MAMSTR: variants seen among roughly 807,000 people sequenced by gnomAD.
MAMSTR encodes the protein MEF2 activating motif and SAP domain containing transcriptional regulator.
MAMSTR carries 41 observed loss-of-function variants against 42.7 expected under a neutral mutation model. That is an observed-to-expected ratio of 0.96 (90% CI 0.75 to 1.25). The LOEUF is 1.25. Ranked by LOEUF, MAMSTR falls within the 50% of genes most tolerant of loss-of-function variation. MAMSTR has a pLI of 0.00. For synonymous variants in MAMSTR, 265 were observed against 244.1 expected (o/e 1.09, Z -0.80); for missense variants, 567 against 557.6 (o/e 1.02, Z -0.17).
Position 48,713,535 on chromosome 19 carries a change from A to G in MAMSTR, c.980T>C (p.Ile327Thr), listed in dbSNP as rs544289751. Residue 327 changes from isoleucine to threonine, a missense_variant, in exon 10 of 10, where the codon ATT (isoleucine) becomes ACT (threonine). Transcript: ENST00000318083. ...GAAGGAGCCAGGGAAGTCCAGGGGA[A>G]TAGGGGGCAGGGGGTCTGCGGGATA... The part of the protein sequence containing the change: ...QVEPDDPLPP[I>T]PLDFPGSFDV... 1.2e-6 allele frequency: 2 copies of G among 1,611,136 alleles called. No homozygotes were observed. The highest frequency in any genetic ancestry group is 1.7e-6 in the Non-Finnish European group (2 of 1,178,964).
rs1447888201 is a variant in MAMSTR, at chr19:48,714,063, G to C, written c.724-18C>G. The C allele has an allele frequency of 5.8e-6, 9 of 1,557,752 alleles. No homozygotes were observed. Among genetic ancestry groups the C allele is most frequent in the Admixed American group, 3.7e-5 (2 of 53,364 alleles). On this transcript the variant is annotated intron_variant, in intron 7 of 9. Coordinates refer to ENST00000318083, the MANE Select transcript of MAMSTR (RefSeq NM_001130915.2). Reference sequence around the variant, plus strand: ...GGCTTGACCTAGAGCAGCCAAGAGGGCGAGCGCCCATAAGCCATGCCCACA... The same window carrying C: ...GGCTTGACCTAGAGCAGCCAAGAGGCCGAGCGCCCATAAGCCATGCCCACA...
downstream of MAMSTR, among the ~76,000 whole-genome samples, chr19:48,711,745 T>G (rs1022652234): frequency 1.5e-4 from 21 of 141,052 alleles, no homozygotes; most frequent in Non-Finnish European, 1.2e-4. Context: ...GCTAGTTTTT[T>G]TTTTTTTTTT....
chr19:48,709,001 G>A (rs2032690868), downstream of MAMSTR, among the ~76,000 whole-genome samples: 1 of 152,036 alleles, frequency 6.6e-6, no homozygotes, highest in African/African-American at 2.4e-5. Context: ...AGTCAGAAAA[G>A]TCTCTGGGCC....
chr19:48,714,578 G>C lies in MAMSTR; in HGVS notation c.529-18C>G. ...TCTGAGACCTGGGGAGGGGCGGGGC[G>C]TGGGAAGAGGCAGTGCTGGGCGGGC... On this transcript the variant is annotated intron_variant, in intron 6 of 9. Coordinates refer to ENST00000318083, the MANE Select transcript of MAMSTR (RefSeq NM_001130915.2). 2.1e-6 allele frequency: 3 copies of C among 1,458,852 alleles called. No individual in the cohort carries two copies. Among genetic ancestry groups the C allele is most frequent in the South Asian group, 2.9e-5 (2 of 69,514 alleles). The allele number at this position is 1,458,852 out of a possible 1,614,324, so 90.4% of individuals were successfully genotyped here. A position where few individuals can be genotyped will look rare whatever the true frequency, so the allele number is the denominator to read the frequency against.
At chr19:48,710,790 T>TA (rs2032711322), downstream of MAMSTR, among the ~76,000 whole-genome samples, 1 of 151,130 alleles carries the variant, frequency 6.6e-6, no homozygotes, top group Non-Finnish European at 1.5e-5. Flanking sequence ...GGTTTCACCA[T>TA]ATTGGTCAGG....
Position 48,714,162 on chromosome 19 carries a change from C to T in MAMSTR, c.724-117G>A, listed in dbSNP as rs1355081124. Reference sequence around the variant, plus strand: ...CTCGCGACCCCTCGCTCATCAACCCCTTTGGCCTCGCCCCCTATTCTTTCA... The same window carrying T: ...CTCGCGACCCCTCGCTCATCAACCCTTTTGGCCTCGCCCCCTATTCTTTCA... On this transcript the variant is annotated intron_variant, in intron 7 of 9. Transcript: ENST00000318083. 8.2e-6 allele frequency: 10 copies of T among 1,212,468 alleles called. No homozygotes were observed. The South Asian group carries it at 1.5e-4, about 18-fold the overall frequency. 75.1% of individuals were successfully genotyped at this position (1,212,468 alleles called of 1,614,324 possible). A position where few individuals can be genotyped will look rare whatever the true frequency, so the allele number is the denominator to read the frequency against.
At position 48,713,409 on chromosome 19, in the gene MAMSTR, G is replaced by A; in HGVS notation, c.1106C>T (p.Pro369Leu). ...TNSSSPSPRD[P>L]TDSLDWLEAL... ...CTCCAGCCAGTCCAGGGAGTCCGTG[G>A]GGTCCCTGGGAGAAGGGGAGGAGGA... The change falls in exon 10 of 10, where the codon CCC (proline) becomes CTC (leucine). Residue 369 changes from proline (P) to leucine (L), a missense_variant. Coordinates refer to ENST00000318083, the MANE Select transcript of MAMSTR (RefSeq NM_001130915.2). 1 of 1,613,374 alleles carries A rather than the reference G, an allele frequency of 6.2e-7. No individual in the cohort carries two copies. Among genetic ancestry groups the A allele is most frequent in the East Asian group, 2.2e-5 (1 of 44,868 alleles).
Position 48,714,410 on chromosome 19 carries a change from G to T in MAMSTR, c.679C>A (p.Arg227Ser). The part of the protein sequence containing the change: ...EDSPAGAPWP[R>S]LKPKALAAAR... The stretch of plus-strand genomic sequence containing the variant: ...GCTGCCAGGGCCTTGGGCTTGAGGC[G>T]CGGCCAGGGAGCACCCGCGGGACTG... The change falls in exon 7 of 10, where the codon CGC (arginine) becomes AGC (serine). Residue 227 changes from arginine to serine, a missense_variant. Coordinates refer to ENST00000318083, the MANE Select transcript of MAMSTR (RefSeq NM_001130915.2). The T allele has an allele frequency of 7.2e-7, 1 of 1,388,454 alleles. No homozygotes were observed. Among genetic ancestry groups the T allele is most frequent in the South Asian group, 1.7e-5 (1 of 60,074 alleles). The allele number at this position is 1,388,454 out of a possible 1,614,324, so 86.0% of individuals were successfully genotyped here.
chr19:48,711,705 T>C (rs2032728208), downstream of MAMSTR, among the ~76,000 whole-genome samples: 1 of 146,152 alleles, frequency 6.8e-6, no homozygotes, highest in Non-Finnish European at 1.5e-5. Context: ...CTCACGTAGC[T>C]GGGATTACAG....
At chr19:48,706,881 G>A in the MAMSTR span, among the ~76,000 whole-genome samples, 3 of 149,870 alleles carry the variant, frequency 2.0e-5, no homozygotes, top group Non-Finnish European at 3.0e-5. Context: ...AGGGTCACTT[G>A]AGAGCAAGAG....
chr19:48,714,424 C>A lies in MAMSTR; in HGVS notation c.665G>T (p.Gly222Val), dbSNP rs2032896341. 2 of 1,388,332 alleles carry A rather than the reference C, an allele frequency of 1.4e-6. No individual in the cohort carries two copies. The highest frequency in any genetic ancestry group is 1.8e-6 in the Non-Finnish European group (2 of 1,082,472). The allele number at this position is 1,388,332 out of a possible 1,614,324, so 86.0% of individuals were successfully genotyped here. A position where few individuals can be genotyped will look rare whatever the true frequency, so the allele number is the denominator to read the frequency against. The part of the protein sequence containing the change: ...PKPRREDSPA[G>V]APWPRLKPKA... ...GGGCTTGAGGCGCGGCCAGGGAGCACCCGCGGGACTGTCCTCGCGCCGCGG... is the reference window on the plus strand; with the variant it reads ...GGGCTTGAGGCGCGGCCAGGGAGCAACCGCGGGACTGTCCTCGCGCCGCGG... Residue 222 changes from glycine (G) to valine (V), a missense_variant, in exon 7 of 10, where the codon GGT becomes GTT. Coordinates refer to ENST00000318083, the MANE Select transcript of MAMSTR (RefSeq NM_001130915.2).
chr19:48,715,989 G>T, intron 3 of MAMSTR: 1 of 1,342,128 alleles, frequency 7.5e-7, no homozygotes, highest in Non-Finnish European at 9.6e-7. Flanking sequence ...TATCACAAAG[G>T]GGTGTGGTAG....
rs1215574276 is a variant in MAMSTR at position 48,713,487 on chromosome 19, T to G, written c.1028A>C (p.Asp343Ala). The G allele has an allele frequency of 1.2e-6, 2 of 1,610,070 alleles. No homozygotes were observed. Among genetic ancestry groups the G allele is most frequent in the Non-Finnish European group, 1.7e-6 (2 of 1,179,000 alleles). The change falls in exon 10 of 10, where the codon GAC (aspartate) becomes GCC (alanine). Residue 343 changes from aspartate to alanine, a missense_variant. By Grantham distance (126) the Asp-to-Ala change is moderately radical. Transcript: ENST00000318083. The part of the protein sequence containing the change: ...GSFDVLSPSP[D>A]SEGLSSVFSS... The stretch of plus-strand genomic sequence containing the variant: ...GAAAACAGATGAGAGGCCTTCAGAG[T>G]CCGGGGAGGGGGACAGCACGTCGAA...
At chr19:48,718,413 G>A (rs1331833560) in intron 2 of MAMSTR, among the ~76,000 whole-genome samples, 2 of 123,486 alleles carry the variant, frequency 1.6e-5, no homozygotes, top group African/African-American at 6.8e-5. Context: ...TTGAGATGGA[G>A]TTTCGCTCTT....
At chr19:48,715,827 C>A in intron 3 of MAMSTR, 60 bp from the exon 4 acceptor site, 1 of 1,502,592 alleles carries the variant, frequency 6.7e-7, no homozygotes, top group Non-Finnish European at 8.8e-7. Context: ...CCGGGAGGAG[C>A]AAGGCTGTGT....
At chr19:48,718,380 CTTTTTTTTTTTTT>C (rs796615883) in intron 2 of MAMSTR, among the ~76,000 whole-genome samples, 4 of 95,166 alleles carry the variant, frequency 4.2e-5, no homozygotes, top group African/African-American at 1.3e-4. Context: ...TTGCACACTT[CTTTTTTTTTTTTT>C]TTTTTTTTTT....
chr19:48,718,866 T>G (rs180832216), intron 2 of MAMSTR, 108 bp downstream of exon 2: 1 of 1,136,366 alleles, frequency 8.8e-7, no homozygotes, highest in African/African-American at 1.6e-5. Context: ...CATGACCTTT[T>G]GCACAAAAAA....
rs2032765934 is a variant in MAMSTR at position 48,712,820 on chromosome 19, A to AT, written c.*446dup. On this transcript the variant is annotated 3_prime_UTR_variant, in exon 10 of 10. Transcript: ENST00000318083. ...GCTGATCTTAGACCTGATGCTTCTA[A>AT]TTTTTTCATCTCCAACCAGAACCCA... The AT allele has an allele frequency of 6.4e-6, 1 of 156,526 alleles. No homozygotes were observed. The highest frequency in any genetic ancestry group is 6.5e-5 in the Admixed American group (1 of 15,358). The allele number at this position is 156,526 out of a possible 1,614,324, so 9.7% of individuals were successfully genotyped here. A position where few individuals can be genotyped will look rare whatever the true frequency, so the allele number is the denominator to read the frequency against.
chr19:48,714,270 C>T, intron 7 of MAMSTR, 96 bp downstream of exon 7: 1 of 1,110,052 alleles, frequency 9.0e-7, no homozygotes, highest in Non-Finnish European at 1.2e-6. Context: ...CGCTGGTCCT[C>T]GCCCCCACAC....
Sources: gnomAD v4.1 joint callset for allele counts (sites outside exome capture counted in the v4.1 genomes callset) on GRCh38, gnomAD v4.1.1 for gene constraint, MANE v1.5 for transcripts, NCBI Gene and HGNC (gene_info 2026-07-23, HGNC 2026-07-21) for gene names.